PTPRO: variants seen among roughly 807,000 people sequenced by gnomAD.
The protein encoded by PTPRO is receptor-type tyrosine-protein phosphatase O.
In PTPRO, 62 loss-of-function variants were observed where a neutral mutation model predicts 145.2. The observed-to-expected ratio is 0.43, with a 90% CI of 0.35 to 0.53. The LOEUF (loss-of-function observed/expected upper bound fraction) is 0.53. Among genes scored for constraint, PTPRO ranks in the 20% least tolerant of loss-of-function variants. PTPRO has a pLI of 0.01. For missense variants in PTPRO, 1,345 were observed against 1,482.7 expected, an observed-to-expected ratio of 0.91 and a Z score of 1.53; for synonymous variants, 565 against 514.7, an observed-to-expected ratio of 1.10 and a Z score of -1.32.
chr12:15,555,982 A>G (rs1943613019), intron 15 of PTPRO, among the ~76,000 whole-genome samples: 1 of 152,214 alleles, frequency 6.6e-6, no homozygotes, highest in African/African-American at 2.4e-5. Context: ...GTCTATTATT[A>G]AAAAATATGT....
chr12:15,447,436 A>G (rs1164994013), intron 1 of PTPRO, among the ~76,000 whole-genome samples: 1 of 152,148 alleles, frequency 6.6e-6, no homozygotes, highest in African/African-American at 2.4e-5. Context: ...ATACTATTTC[A>G]TTTATGAGTT....
chr12:15,352,597 C>T (rs371982769), intron 1 of PTPRO, among the ~76,000 whole-genome samples: 2 of 148,812 alleles, frequency 1.3e-5, no homozygotes, highest in East Asian at 4.0e-4. Flanking sequence ...TTGCAGTGAG[C>T]CGGGATCGCA....
chr12:15,476,065 G>A (rs890510377), intron 1 of PTPRO, among the ~76,000 whole-genome samples: 7 of 152,100 alleles, frequency 4.6e-5, no homozygotes, highest in South Asian at 2.1e-4. Context: ...AGAGAAGGGC[G>A]CTATGATAGG....
At chr12:15,580,862 G>C in intron 22 of PTPRO, 31 bp downstream of exon 22, 1 of 1,613,338 alleles carries the variant, frequency 6.2e-7, no homozygotes. Flanking sequence ...CTCCCACTTA[G>C]CAGCAAAACC....
At chr12:15,466,374 G>T (rs984585652) in intron 1 of PTPRO, among the ~76,000 whole-genome samples, 13 of 151,884 alleles carry the variant, frequency 8.6e-5, no homozygotes, top group Admixed American at 7.9e-4. Flanking sequence ...GAGTTACCAT[G>T]GTTTCTGAAA....
At chr12:15,552,532 A>T (rs1179500342) in intron 15 of PTPRO, among the ~76,000 whole-genome samples, 1 of 152,216 alleles carries the variant, frequency 6.6e-6, no homozygotes, top group Non-Finnish European at 1.5e-5. Context: ...GAAAAATCAG[A>T]CATCAAAGCT....
chr12:15,486,759 A>C (rs1469414796), intron 2 of PTPRO, among the ~76,000 whole-genome samples: 1 of 151,836 alleles, frequency 6.6e-6, no homozygotes, highest in African/African-American at 2.4e-5. Context: ...TTAATCGCTC[A>C]ATAGCCATAT....
At chr12:15,542,900 C>T (rs753597340) in intron 12 of PTPRO, among the ~76,000 whole-genome samples, 1 of 152,140 alleles carries the variant, frequency 6.6e-6, no homozygotes, top group Non-Finnish European at 1.5e-5. Context: ...ATTCACATTC[C>T]GATTCTTACA....
At chr12:15,459,679 A>G (rs990183126) in intron 1 of PTPRO, among the ~76,000 whole-genome samples, 7 of 152,212 alleles carry the variant, frequency 4.6e-5, no homozygotes, top group African/African-American at 1.4e-4. Flanking sequence ...AAGTCTTCCT[A>G]TTCTGCCATC....
At chr12:15,429,056 A>G (rs1460539568) in intron 1 of PTPRO, among the ~76,000 whole-genome samples, 2 of 152,176 alleles carry the variant, frequency 1.3e-5, no homozygotes, top group Non-Finnish European at 2.9e-5. Context: ...AATCATAATT[A>G]TTGTAGAAAT....
chr12:15,565,960 AG>A (rs1943888365), intron 18 of PTPRO, among the ~76,000 whole-genome samples: 1 of 152,210 alleles, frequency 6.6e-6, no homozygotes, highest in Non-Finnish European at 1.5e-5. Context: ...ACTACATCAA[AG>A]GGTTTCAAAA....
chr12:15,523,410 T>C (rs1315122284), intron 10 of PTPRO, among the ~76,000 whole-genome samples: 2 of 152,220 alleles, frequency 1.3e-5, no homozygotes, highest in Admixed American at 6.5e-5. Flanking sequence ...TTAAAATGTT[T>C]TCAGAGCCTA....
chr12:15,560,605 G>A (rs1201297045), intron 17 of PTPRO, among the ~76,000 whole-genome samples: 1 of 151,906 alleles, frequency 6.6e-6, no homozygotes, highest in African/African-American at 2.4e-5. Context: ...CCATTAGAGA[G>A]CTCCAAATTT....
chr12:15,531,823 T>A (rs1026366331), intron 12 of PTPRO, among the ~76,000 whole-genome samples: 1 of 152,218 alleles, frequency 6.6e-6, no homozygotes, highest in African/African-American at 2.4e-5. Context: ...TTCCACATAG[T>A]TAATGCAATT....
chr12:15,404,608 G>T (rs1939596997), intron 1 of PTPRO, among the ~76,000 whole-genome samples: 1 of 152,094 alleles, frequency 6.6e-6, no homozygotes, highest in Non-Finnish European at 1.5e-5. Flanking sequence ...CGGCATGAAG[G>T]CTGTTCAGTG....
At chr12:15,438,937 C>A (rs116995312) in intron 1 of PTPRO, among the ~76,000 whole-genome samples, 2 of 152,036 alleles carry the variant, frequency 1.3e-5, no homozygotes, top group Admixed American at 6.6e-5. Flanking sequence ...GCAAGGTCAA[C>A]GCTAAAGAAA....
chr12:15,433,132 A>C (rs1762035601), intron 1 of PTPRO, among the ~76,000 whole-genome samples: 1 of 147,860 alleles, frequency 6.8e-6, no homozygotes, highest in Non-Finnish European at 1.5e-5. Flanking sequence ...CCAGGATGGT[A>C]CTGCCTAGGT....
rs189810352 is a variant in PTPRO, at chr12:15,582,883, A to C, written c.3255+1082A>C. On this transcript the variant is annotated intron_variant, in intron 23 of 26. Transcript: ENST00000281171. ...AAGGCCTGACACCTTTCTGCTGACA[A>C]GTCTCTGAGCAAACGCTGAATATTT... 6.9e-4 allele frequency among the ~76,000 whole-genome samples: 105 copies of C among 152,322 alleles called. 1 individual carries two copies. The highest frequency in any genetic ancestry group is 2.5e-3 in the African/African-American group (104 of 41,570).
chr12:15,449,886 AC>A (rs1195647686), intron 1 of PTPRO, among the ~76,000 whole-genome samples: 1 of 152,258 alleles, frequency 6.6e-6, no homozygotes, highest in Non-Finnish European at 1.5e-5. Flanking sequence ...CCCCTAACAA[AC>A]TTTTGTCATC....
Sources: gnomAD v4.1 joint callset for allele counts (sites outside exome capture counted in the v4.1 genomes callset) on GRCh38, gnomAD v4.1.1 for gene constraint, MANE v1.5 for transcripts, NCBI Gene and HGNC (gene_info 2026-07-23, HGNC 2026-07-21) for gene names.